Variants in PRKG1 observed in about 807,000 individuals in gnomAD.
The protein encoded by PRKG1 is cGMP-dependent protein kinase 1.
In PRKG1, 35 loss-of-function variants were observed where a neutral mutation model predicts 88.1. That is an observed-to-expected ratio of 0.40 (90% CI 0.30 to 0.53). PRKG1 has a LOEUF of 0.53. Ranked by LOEUF, PRKG1 falls within the 20% of genes least tolerant of loss-of-function variation. The probability of loss-of-function intolerance (pLI) is 0.59; values close to 1 mark genes in which losing one functional copy is unlikely to be tolerated. For missense variants in PRKG1, 540 were observed against 839.8 expected (o/e 0.64, Z 4.41); for synonymous variants, 303 against 292.5 (o/e 1.04, Z -0.37).
At position 51,441,680 on chromosome 10, in the gene PRKG1, C is replaced by T. The variant is rs1839111570; in HGVS notation, c.479-26043C>T. On this transcript the variant is annotated intron_variant, in intron 2 of 17. Coordinates refer to ENST00000373980, the MANE Select transcript of PRKG1 (RefSeq NM_006258.4). ...TACCAGAAATTTTGTTCTCTTTTATCCTACCAAGTTATTGAACTTCTAAGA... is the reference window on the plus strand; with the variant it reads ...TACCAGAAATTTTGTTCTCTTTTATTCTACCAAGTTATTGAACTTCTAAGA... Among the ~76,000 whole-genome samples, 3 of 151,878 alleles carry T rather than the reference C, an allele frequency of 2.0e-5. No homozygotes were observed. In the South Asian group the frequency reaches 6.2e-4, roughly 32 times the overall value.
intron 1 of PRKG1, among the ~76,000 whole-genome samples, chr10:51,133,511 A>G (rs986802965): frequency 1.3e-5 from 2 of 152,212 alleles, no homozygotes; most frequent in African/African-American, 2.4e-5. Context: ...CTATGGAATC[A>G]TGGACAAACA....
intron 9 of PRKG1, among the ~76,000 whole-genome samples, chr10:52,222,528 ATAT>A (rs1392003179): frequency 6.6e-6 from 1 of 152,142 alleles, no homozygotes; most frequent in Non-Finnish European, 1.5e-5. Context: ...TTCTAGATAG[ATAT>A]GTAGATGAAT....
intron 4 of PRKG1, among the ~76,000 whole-genome samples, chr10:51,814,425 T>A (rs1358526055): frequency 1.4e-5 from 2 of 144,750 alleles, no homozygotes; most frequent in African/African-American, 5.7e-5. Context: ...ATTTGGGGGC[T>A]GTTAGAACTT....
At chr10:51,547,760 G>T (rs960905419) in intron 3 of PRKG1, among the ~76,000 whole-genome samples, 4 of 152,072 alleles carry the variant, frequency 2.6e-5, no homozygotes, top group East Asian at 1.9e-4. Flanking sequence ...CCCCTAAACT[G>T]GTCAATGCAT....
chr10:51,270,520 G>A (rs78240475), intron 2 of PRKG1, among the ~76,000 whole-genome samples: 72 of 152,198 alleles, frequency 4.7e-4, no homozygotes, highest in African/African-American at 1.7e-3. Context: ...ACATGAATTG[G>A]AGGGATTTAA....
At chr10:51,463,439 T>C (rs985045211) in intron 2 of PRKG1, among the ~76,000 whole-genome samples, 1 of 152,084 alleles carries the variant, frequency 6.6e-6, no homozygotes, top group Non-Finnish European at 1.5e-5. Flanking sequence ...CTACTTTCTA[T>C]GCAAATGGAG....
chr10:52,078,027 C>T (rs1846675406), intron 7 of PRKG1, among the ~76,000 whole-genome samples: 1 of 152,180 alleles, frequency 6.6e-6, no homozygotes, highest in South Asian at 2.1e-4. Context: ...CTGCCACTCT[C>T]ACTGTCTACT....
At chr10:51,103,455 C>T (rs919362493) in intron 1 of PRKG1, among the ~76,000 whole-genome samples, 4 of 152,142 alleles carry the variant, frequency 2.6e-5, no homozygotes, top group African/African-American at 9.7e-5. Context: ...TCAAAATTCT[C>T]AAGAAAAATG....
intron 2 of PRKG1, among the ~76,000 whole-genome samples, chr10:51,308,249 G>A (rs1417106806): frequency 6.6e-6 from 1 of 152,094 alleles, no homozygotes; most frequent in African/African-American, 2.4e-5. Flanking sequence ...AGGGAAACTG[G>A]TTAAGTACAG....
chr10:52,290,591 C>T (rs1842216927), intron 17 of PRKG1, among the ~76,000 whole-genome samples: 1 of 151,992 alleles, frequency 6.6e-6, no homozygotes, highest in Non-Finnish European at 1.5e-5. Context: ...TATAGAAATG[C>T]AGACAAAAAT....
chr10:51,180,643 C>T (rs770240654), intron 2 of PRKG1, among the ~76,000 whole-genome samples: 26 of 152,162 alleles, frequency 1.7e-4, no homozygotes, highest in African/African-American at 3.9e-4. Context: ...TGCCTGCTTG[C>T]GAAGCAGACC....
In PRKG1 at chr10:51,412,588, G is replaced by A. The variant is rs533425025; in HGVS notation, c.479-55135G>A. 1.3e-5 allele frequency among the ~76,000 whole-genome samples: 2 copies of A among 152,256 alleles called. 1 individual carries two copies. The highest frequency in any genetic ancestry group is 2.9e-5 in the Non-Finnish European group (2 of 68,026). The stretch of plus-strand genomic sequence containing the variant: ...GAACCCGGGAGGCGGAGGTTGCAGT[G>A]AGCCAAGATTGTACCATTGCACTCC... On this transcript the variant is annotated intron_variant, in intron 2 of 17. Coordinates refer to ENST00000373980, the MANE Select transcript of PRKG1 (RefSeq NM_006258.4).
chr10:51,475,863 T>A (rs1033803820), intron 3 of PRKG1, among the ~76,000 whole-genome samples: 1 of 151,882 alleles, frequency 6.6e-6, no homozygotes, highest in African/African-American at 2.4e-5. Context: ...AAAGAAAAAA[T>A]TTCGTTTGAT....
intron 5 of PRKG1, among the ~76,000 whole-genome samples, chr10:52,025,383 A>G (rs1420089929): frequency 1.3e-5 from 2 of 152,108 alleles, no homozygotes; most frequent in Non-Finnish European, 2.9e-5. Flanking sequence ...TTGGTGTTTT[A>G]GTCATGAAGT....
chr10:52,232,435 A>T (rs974737010), intron 9 of PRKG1, among the ~76,000 whole-genome samples: 13 of 152,206 alleles, frequency 8.5e-5, no homozygotes, highest in Admixed American at 3.9e-4. Flanking sequence ...AACTCCACTG[A>T]TAATTATCTA....
In PRKG1 at chr10:51,003,165, A is replaced by AAACAACAAC. The variant is rs67761270; in HGVS notation, c.266+11559_266+11567dup. ...ATGCTTTCTCGTGTCTGCAGGGCCA[A>AAACAACAAC]AACAACAACAACAACAACAACAACA... On this transcript the variant is annotated intron_variant, in intron 1 of 17. Coordinates refer to the PRKG1 transcript ENST00000401604. 4.0e-5 allele frequency among the ~76,000 whole-genome samples: 6 copies of AAACAACAAC among 151,072 alleles called. 1 individual carries two copies. The highest frequency in any genetic ancestry group is 3.9e-4 in the East Asian group (2 of 5,114).
At chr10:52,133,745 T>C in intron 7 of PRKG1, 95 bp from the exon 8 acceptor site, 1 of 1,049,580 alleles carries the variant, frequency 9.5e-7, no homozygotes, top group Non-Finnish European at 1.4e-6. Flanking sequence ...CAGAAGAGTT[T>C]ATATAATGTA....
At chr10:51,094,776 C>G (rs1203988302) in intron 1 of PRKG1, among the ~76,000 whole-genome samples, 1 of 152,140 alleles carries the variant, frequency 6.6e-6, no homozygotes, top group Non-Finnish European at 1.5e-5. Flanking sequence ...ACGTACAAAG[C>G]TTTGGTGTTT....
intron 8 of PRKG1, among the ~76,000 whole-genome samples, chr10:52,142,842 G>C (rs566736345): frequency 9.2e-5 from 14 of 152,116 alleles, no homozygotes; most frequent in African/African-American, 3.4e-4. Flanking sequence ...TACAACACTC[G>C]TTTATCTGTA....
Sources: gnomAD v4.1 joint callset for allele counts (sites outside exome capture counted in the v4.1 genomes callset) on GRCh38, gnomAD v4.1.1 for gene constraint, MANE v1.5 for transcripts, NCBI Gene and HGNC (gene_info 2026-07-23, HGNC 2026-07-21) for gene names.